Variants in PRKACB observed in about 807,000 individuals in gnomAD.
PRKACB encodes protein kinase cAMP-activated catalytic subunit beta, also known as cAMP-dependent protein kinase catalytic subunit beta.
PRKACB carries 16 observed loss-of-function variants against 51.4 expected under a neutral mutation model. That is an observed-to-expected ratio of 0.31 (90% CI 0.21 to 0.47). The LOEUF (loss-of-function observed/expected upper bound fraction) is 0.47. PRKACB is among the 20% of genes least tolerant of loss of function. PRKACB has a pLI of 1.00. For missense variants in PRKACB, 309 were observed against 464.5 expected, an observed-to-expected ratio of 0.67 and a Z score of 3.08; for synonymous variants, 147 against 154.4, an observed-to-expected ratio of 0.95 and a Z score of 0.35.
upstream of PRKACB, among the ~76,000 whole-genome samples, chr1:84,144,012 G>A (rs1653700203): frequency 6.6e-6 from 1 of 151,972 alleles, no homozygotes; most frequent in African/African-American, 2.4e-5. Flanking sequence ...TGTCATACAT[G>A]TTTAACTAGT....
intron 1 of PRKACB, among the ~76,000 whole-genome samples, chr1:84,109,787 G>A (rs1018140062): frequency 5.3e-5 from 8 of 151,558 alleles, no homozygotes; most frequent in Non-Finnish European, 8.9e-5. Flanking sequence ...TTGGTAATTT[G>A]TATATATTTA....
At chr1:84,216,662 A>G (rs923474446) in intron 9 of PRKACB, among the ~76,000 whole-genome samples, 2 of 152,206 alleles carry the variant, frequency 1.3e-5, no homozygotes, top group East Asian at 1.9e-4. Context: ...GCAACTCCCT[A>G]TAACTTCTCT....
intron 1 of PRKACB, among the ~76,000 whole-genome samples, chr1:84,114,463 CT>C (rs533743075): frequency 0.01 from 1,529 of 147,674 alleles, 8 homozygotes; most frequent in Middle Eastern, 0.021. Context: ...TTGTAGTGTT[CT>C]TTTTTTTTTA....
intron 1 of PRKACB, among the ~76,000 whole-genome samples, chr1:84,094,822 T>C (rs963776161): frequency 3.3e-5 from 5 of 152,014 alleles, no homozygotes; most frequent in African/African-American, 1.2e-4. Flanking sequence ...CTGGTGTGAT[T>C]CAATATTATT....
chr1:84,176,767 C>G (rs1204398651), intron 1 of PRKACB, among the ~76,000 whole-genome samples: 1 of 151,762 alleles, frequency 6.6e-6, no homozygotes, highest in African/African-American at 2.4e-5. Context: ...TGATAATTTT[C>G]ACATAAGACC....
chr1:84,150,747 T>C lies in PRKACB; in HGVS notation c.187+6199T>C, dbSNP rs551897265. On this transcript the variant is annotated intron_variant, in intron 1 of 9. Transcript: ENST00000370685. The stretch of plus-strand genomic sequence containing the variant: ...GCAGATGTTGGCAGTATGCTTCTTC[T>C]ACAGTCTGCAGAACCATGAGCCAAA... 2.5e-3 allele frequency among the ~76,000 whole-genome samples: 381 copies of C among 152,272 alleles called. 4 individuals are homozygous for C. The highest frequency in any genetic ancestry group is 2.0e-3 in the Non-Finnish European group (137 of 68,012).
At chr1:84,116,347 G>T (rs1209637171) in intron 1 of PRKACB, among the ~76,000 whole-genome samples, 2 of 152,096 alleles carry the variant, frequency 1.3e-5, no homozygotes. Context: ...GGTTGCACAT[G>T]AATTTTAGAA....
In PRKACB at chr1:84,185,147, A is replaced by G; in HGVS notation, c.525A>G (p.Glu175=). ...YMVMEYVPGG[E]MFSHLRRIGR... is the part of the protein sequence containing the mutation. ...TTATGGAATATGTCCCTGGGGGTGA[A>G]ATGTTTTCACATCTAAGAAGAATTG... The change falls in exon 5 of 10, where the codon GAA becomes GAG. Residue 175 remains glutamate, a synonymous_variant. Coordinates refer to ENST00000370685, the MANE Select transcript of PRKACB (RefSeq NM_182948.4). 6.6e-7 allele frequency: 1 copy of G among 1,506,680 alleles called. No individual in the cohort carries two copies. Among genetic ancestry groups the G allele is most frequent in the Non-Finnish European group, 8.8e-7 (1 of 1,132,284 alleles). 93.3% of individuals were successfully genotyped at this position (1,506,680 alleles called of 1,614,324 possible).
intron 1 of PRKACB, chr1:84,078,488 G>A (rs1021691624): frequency 4.8e-5 from 59 of 1,233,316 alleles, no homozygotes; most frequent in Non-Finnish European, 6.2e-5. Flanking sequence ...AGCGGCCGCC[G>A]GGAGTCGTTC....
chr1:84,197,690 G>C, intron 6 of PRKACB, 39 bp from the exon 7 acceptor site: 1 of 1,332,892 alleles, frequency 7.5e-7, no homozygotes, highest in Non-Finnish European at 1.1e-6. Context: ...TTATTGTGAG[G>C]TAATACATTT....
intron 1 of PRKACB, among the ~76,000 whole-genome samples, chr1:84,121,906 G>C (rs1458504924): frequency 6.6e-6 from 1 of 152,006 alleles, no homozygotes; most frequent in Non-Finnish European, 1.5e-5. Context: ...TCCAAGTTGA[G>C]CCCCCTCTCA....
chr1:84,115,981 AT>A (rs2100864048), intron 1 of PRKACB, among the ~76,000 whole-genome samples: 1 of 149,236 alleles, frequency 6.7e-6, no homozygotes, highest in Admixed American at 6.7e-5. Flanking sequence ...TATTTTTATA[AT>A]TTGTGGTCTT....
intron 9 of PRKACB, among the ~76,000 whole-genome samples, chr1:84,215,922 T>C (rs140447971): frequency 1.3e-5 from 2 of 152,292 alleles, no homozygotes. Flanking sequence ...TTTAGAGACA[T>C]GTCATCTTTA....
intron 4 of PRKACB, among the ~76,000 whole-genome samples, chr1:84,184,779 TG>T (rs1327042165): frequency 6.6e-6 from 1 of 151,966 alleles, no homozygotes; most frequent in Non-Finnish European, 1.5e-5. Flanking sequence ...CTTTTTAAAT[TG>T]TTTTTTACCT....
At chr1:84,084,566 G>A (rs1647813009) in intron 1 of PRKACB, among the ~76,000 whole-genome samples, 1 of 145,976 alleles carries the variant, frequency 6.9e-6, no homozygotes, top group African/African-American at 2.4e-5. Flanking sequence ...GATAATTTGG[G>A]TGAGGGATTT....
At chr1:84,184,261 G>A in intron 4 of PRKACB, 126 bp downstream of exon 4, 1 of 742,480 alleles carries the variant, frequency 1.3e-6, no homozygotes, top group African/African-American at 1.8e-5. Context: ...AATACCTCTA[G>A]AGTTTGTGTA....
chr1:84,097,523 G>A (rs1302969762), intron 1 of PRKACB, among the ~76,000 whole-genome samples: 1 of 151,946 alleles, frequency 6.6e-6, no homozygotes, highest in African/African-American at 2.4e-5. Context: ...TGTGTGGGGA[G>A]AAAGATTATT....
At chr1:84,164,343 G>T in intron 1 of PRKACB, 1 of 1,548,924 alleles carries the variant, frequency 6.5e-7, no homozygotes, top group East Asian at 2.4e-5. Flanking sequence ...ACAGCTAGCA[G>T]TAAGAGCTGG....
At chr1:84,230,896 CTT>C (rs1380118863) in intron 9 of PRKACB, among the ~76,000 whole-genome samples, 1 of 143,050 alleles carries the variant, frequency 7.0e-6, no homozygotes, top group African/African-American at 2.7e-5. Flanking sequence ...TTGACTTCCT[CTT>C]TTCCTAATTG....
Sources: allele counts gnomAD v4.1 joint callset (sites outside exome capture counted in the v4.1 genomes callset), GRCh38; gene constraint gnomAD v4.1.1; transcripts MANE v1.5; gene names NCBI Gene and HGNC (gene_info 2026-07-23, HGNC 2026-07-21).